The following SGK3 variants were observed in gnomAD, a reference collection of about 807,000 sequenced individuals.
SGK3 encodes the protein serum/glucocorticoid regulated kinase family member 3, also known as serine/threonine-protein kinase Sgk3.
Under a neutral mutation model 68.5 loss-of-function variants are expected in SGK3, and 47 were observed. The observed-to-expected ratio is 0.69, with a 90% CI of 0.54 to 0.87. The LOEUF (loss-of-function observed/expected upper bound fraction) is 0.87, where lower values mean the gene tolerates loss of function less well. Ranked by LOEUF, SGK3 falls within the 40% of genes least tolerant of loss-of-function variation. SGK3 has a pLI of 0.00. For synonymous variants in SGK3, 181 were observed against 189.1 expected, an observed-to-expected ratio of 0.96 and a Z score of 0.35; for missense variants, 479 against 575.5, an observed-to-expected ratio of 0.83 and a Z score of 1.72.
At chr8:66,740,522 G>A (rs1205064859) in intron 1 of SGK3, among the ~76,000 whole-genome samples, 1 of 152,154 alleles carries the variant, frequency 6.6e-6, no homozygotes, top group African/African-American at 2.4e-5. Context: ...AAATATATTT[G>A]TTGAGCTAAT....
At chr8:66,713,149 T>C (rs543613037) in intron 1 of SGK3, among the ~76,000 whole-genome samples, 2 of 152,232 alleles carry the variant, frequency 1.3e-5, no homozygotes, top group East Asian at 3.9e-4. Context: ...AGGTCGAAAG[T>C]GGGTGCAGGT....
chr8:66,796,329 T>A (rs1356958532), intron 2 of SGK3, among the ~76,000 whole-genome samples: 2 of 116,684 alleles, frequency 1.7e-5, no homozygotes, highest in Admixed American at 8.7e-5. Flanking sequence ...GTATTTTTTT[T>A]TTTTTTTTTT....
intron 15 of SGK3, among the ~76,000 whole-genome samples, chr8:66,849,506 G>A (rs1810174245): frequency 6.6e-6 from 1 of 151,776 alleles, no homozygotes; most frequent in African/African-American, 2.4e-5. Context: ...TCTTTAGTCT[G>A]GTTACAGTGG....
intron 2 of SGK3, among the ~76,000 whole-genome samples, chr8:66,796,830 A>G (rs1807715614): frequency 6.6e-6 from 1 of 152,148 alleles, no homozygotes; most frequent in Non-Finnish European, 1.5e-5. Context: ...CTTTCATTAT[A>G]CAGGGACAAG....
rs1808886502 is a variant in SGK3, at chr8:66,822,538, C to A, written c.417+79C>A. On this transcript the variant is annotated intron_variant, in intron 6 of 16. Coordinates refer to ENST00000521198, the MANE Select transcript of SGK3 (RefSeq NM_001033578.3). ...ATTAGTGGCTTTAGGACACTTACTTCAAATGAAGTAATTTCATCCATAGTA... is the reference window on the plus strand; with the variant it reads ...ATTAGTGGCTTTAGGACACTTACTTAAAATGAAGTAATTTCATCCATAGTA... 2.2e-6 allele frequency: 3 copies of A among 1,354,632 alleles called. No homozygotes were observed. In the Admixed American group the frequency reaches 6.2e-5, roughly 28 times the overall value. 83.9% of individuals were successfully genotyped at this position (1,354,632 alleles called of 1,614,324 possible). A position where few individuals can be genotyped will look rare whatever the true frequency, so the allele number is the denominator to read the frequency against.
intron 1 of SGK3, among the ~76,000 whole-genome samples, chr8:66,781,536 T>C (rs180754952): frequency 6.6e-6 from 1 of 152,224 alleles, no homozygotes; most frequent in Admixed American, 6.5e-5. Context: ...TTTATCCCAG[T>C]GTGGAGAAAA....
chr8:66,739,877 A>T (rs1431604840), intron 1 of SGK3, among the ~76,000 whole-genome samples: 1 of 152,196 alleles, frequency 6.6e-6, no homozygotes, highest in Admixed American at 6.5e-5. Context: ...AAACCATCAG[A>T]TCTCATGAGA....
chr8:66,806,744 C>T (rs192433484), intron 4 of SGK3, among the ~76,000 whole-genome samples: 15 of 146,978 alleles, frequency 1.0e-4, no homozygotes, highest in East Asian at 2.0e-4. Flanking sequence ...ATCCAGGAGT[C>T]GGAGGTTGCA....
intron 6 of SGK3, among the ~76,000 whole-genome samples, chr8:66,825,200 T>C (rs1289177931): frequency 6.6e-6 from 1 of 152,166 alleles, no homozygotes; most frequent in African/African-American, 2.4e-5. Flanking sequence ...CCTTTTTTTC[T>C]TTTTTCATCC....
chr8:66,793,964 A>G (rs752004535), intron 2 of SGK3, 132 bp downstream of exon 2: 152 of 960,982 alleles, frequency 1.6e-4, no homozygotes, highest in Non-Finnish European at 2.0e-4. Flanking sequence ...CTTTCACATG[A>G]TCTGTTCTCC....
chr8:66,717,980 C>T (rs1441365384), intron 1 of SGK3, among the ~76,000 whole-genome samples: 1 of 151,710 alleles, frequency 6.6e-6, no homozygotes, highest in African/African-American at 2.4e-5. Flanking sequence ...GGATTACAGG[C>T]GTGAGCCACT....
At chr8:66,821,777 T>C (rs1263154935) in intron 5 of SGK3, among the ~76,000 whole-genome samples, 1 of 150,220 alleles carries the variant, frequency 6.7e-6, no homozygotes, top group African/African-American at 2.5e-5. Context: ...CGCCCGCCTC[T>C]GCTTCCCAAA....
chr8:66,758,559 T>C (rs2130452946), intron 1 of SGK3, among the ~76,000 whole-genome samples: 1 of 152,268 alleles, frequency 6.6e-6, no homozygotes, highest in East Asian at 1.9e-4. Flanking sequence ...TATATAGATA[T>C]ATAAATCAGG....
At chr8:66,836,608 G>T (rs1048261485) in intron 10 of SGK3, among the ~76,000 whole-genome samples, 3 of 150,756 alleles carry the variant, frequency 2.0e-5, no homozygotes, top group African/African-American at 4.9e-5. Context: ...ACTGCAGCCT[G>T]GGTAACAGAA....
intron 1 of SGK3, among the ~76,000 whole-genome samples, chr8:66,751,397 T>G (rs1805814516): frequency 1.3e-5 from 2 of 152,238 alleles, no homozygotes; most frequent in Non-Finnish European, 2.9e-5. Context: ...ACTCATTTGT[T>G]ATGAGCTTCT....
At chr8:66,758,550 A>G (rs1021226410) in intron 1 of SGK3, among the ~76,000 whole-genome samples, 7 of 152,256 alleles carry the variant, frequency 4.6e-5, no homozygotes, top group Middle Eastern at 3.4e-3. Flanking sequence ...CTATATCTAT[A>G]TATAGATATA....
At chr8:66,824,567 AATTCAGCAGT>A (rs1327451551) in intron 6 of SGK3, among the ~76,000 whole-genome samples, 1 of 152,200 alleles carries the variant, frequency 6.6e-6, no homozygotes, top group African/African-American at 2.4e-5. Flanking sequence ...TTTGGAAAGC[AATTCAGCAGT>A]ACATATCAAA....
Position 66,755,728 on chromosome 8 carries a change from G to A in SGK3, c.-121-37888G>A, listed in dbSNP as rs371592092. Among the ~76,000 whole-genome samples the A allele has an allele frequency of 1.2e-4, 18 of 152,338 alleles. No individual in the cohort carries two copies. The East Asian group carries it at 3.3e-3, about 28-fold the overall frequency. ...GGTGAACATGACAGACGCAGTCCCT[G>A]CCCTCATGGCTCTTAGGGTTTGGTA... is the stretch of plus-strand genomic sequence containing the variant. On this transcript the variant is annotated intron_variant, in intron 1 of 16. Coordinates refer to ENST00000521198, the MANE Select transcript of SGK3 (RefSeq NM_001033578.3).
intron 13 of SGK3, 47 bp from the exon 14 acceptor site, chr8:66,843,405 C>CT: frequency 1.3e-6 from 2 of 1,561,418 alleles, no homozygotes; most frequent in Non-Finnish European, 1.7e-6. Flanking sequence ...TAAATTTTGT[C>CT]TTGATTTGTT....
Sources: gnomAD v4.1 joint callset for allele counts (sites outside exome capture counted in the v4.1 genomes callset) on GRCh38, gnomAD v4.1.1 for gene constraint, MANE v1.5 for transcripts, NCBI Gene and HGNC (gene_info 2026-07-23, HGNC 2026-07-21) for gene names.